EZH1: variants seen among roughly 807,000 people sequenced by gnomAD.
The protein encoded by EZH1 is histone-lysine N-methyltransferase EZH1.
Under a neutral mutation model 100.5 loss-of-function variants are expected in EZH1, and 33 were observed. That is an observed-to-expected ratio of 0.33 (90% CI 0.25 to 0.44). The LOEUF (loss-of-function observed/expected upper bound fraction) is 0.44. Ranked by LOEUF, EZH1 falls within the 20% of genes least tolerant of loss-of-function variation. The probability of loss-of-function intolerance (pLI) is 1.00; values close to 1 mark genes in which losing one functional copy is unlikely to be tolerated. For missense variants in EZH1, 475 were observed against 928.4 expected (o/e 0.51, Z 6.35); for synonymous variants, 272 against 313.8 (o/e 0.87, Z 1.41).
intron 7 of EZH1, 78 bp from the exon 8 acceptor site, chr17:42,719,285 T>C (rs2053662171): frequency 7.0e-6 from 8 of 1,138,402 alleles, no homozygotes; most frequent in Non-Finnish European, 1.1e-5. Flanking sequence ...TTTTTTCCTT[T>C]TGTCATAGCA....
At chr17:42,703,596 G>T in intron 19 of EZH1, 144 bp downstream of exon 19, 1 of 636,858 alleles carries the variant, frequency 1.6e-6, no homozygotes, top group Non-Finnish European at 2.8e-6. Context: ...AAGATTGAGA[G>T]GGGCCTAAAA....
intron 10 of EZH1, among the ~76,000 whole-genome samples, chr17:42,713,771 A>G (rs1237227640): frequency 1.3e-5 from 2 of 152,166 alleles, no homozygotes; most frequent in Non-Finnish European, 2.9e-5. Flanking sequence ...AATGTCCTAT[A>G]ATCTTAAAAA....
chr17:42,721,099 G>GATGGGTCAGT (rs1327096998), intron 6 of EZH1, among the ~76,000 whole-genome samples: 1 of 152,226 alleles, frequency 6.6e-6, no homozygotes, highest in Non-Finnish European at 1.5e-5. Context: ...CTTTGCTGCT[G>GATGGGTCAGT]ATGGGTCAGT....
intron 4 of EZH1, 109 bp downstream of exon 4, chr17:42,727,526 A>C: frequency 7.6e-7 from 1 of 1,322,300 alleles, no homozygotes; most frequent in South Asian, 1.4e-5. Flanking sequence ...TACTTGTGTG[A>C]GCCACCATAC....
intron 1 of EZH1, among the ~76,000 whole-genome samples, chr17:42,744,193 T>C (rs565341133): frequency 6.6e-6 from 1 of 152,320 alleles, no homozygotes; most frequent in South Asian, 2.1e-4. Flanking sequence ...TTCCCTTCCC[T>C]GCTCAAGAAA....
At chr17:42,744,677 G>T (rs2054245223) in intron 1 of EZH1, among the ~76,000 whole-genome samples, 1 of 152,044 alleles carries the variant, frequency 6.6e-6, no homozygotes, top group Admixed American at 6.5e-5. Flanking sequence ...GCCCTCCCGC[G>T]CCCTTTGGGC....
At chr17:42,723,143 G>A (rs1019696346) in intron 5 of EZH1, among the ~76,000 whole-genome samples, 10 of 152,290 alleles carry the variant, frequency 6.6e-5, no homozygotes, top group South Asian at 2.1e-4. Context: ...TTGGGAGGCC[G>A]AGGCAGGCGG....
chr17:42,703,001 C>T, intron 19 of EZH1, 40 bp from the exon 20 acceptor site: 1 of 1,595,742 alleles, frequency 6.3e-7, no homozygotes, highest in Non-Finnish European at 8.6e-7. Flanking sequence ...TCCTACCCAA[C>T]TCCAAGTCAA....
chr17:42,707,853 A>G, intron 15 of EZH1, 105 bp downstream of exon 15: 16 of 1,356,466 alleles, frequency 1.2e-5, no homozygotes, highest in Non-Finnish European at 1.6e-5. Flanking sequence ...AGCAAAGGGG[A>G]TATCAGAAGG....
Position 42,700,777 on chromosome 17 carries a change from T to G in EZH1, c.*1755A>C, listed in dbSNP as rs931444391. 1 of 152,534 alleles carries G rather than the reference T, an allele frequency of 6.6e-6. No homozygotes were observed. The highest frequency in any genetic ancestry group is 1.5e-5 in the Non-Finnish European group (1 of 68,198). 9.4% of individuals were successfully genotyped at this position (152,534 alleles called of 1,614,324 possible). A position where few individuals can be genotyped will look rare whatever the true frequency, so the allele number is the denominator to read the frequency against. Reference sequence around the variant, plus strand: ...AGGATCATGCTGGGGCCTGGCCCATTTGGGTGGGAGGAGCTTTCTGTCAGG... The same window carrying G: ...AGGATCATGCTGGGGCCTGGCCCATGTGGGTGGGAGGAGCTTTCTGTCAGG... On this transcript the variant is annotated 3_prime_UTR_variant, in exon 21 of 21. Transcript: ENST00000428826.
At chr17:42,705,054 G>A (rs751432749) in intron 17 of EZH1, 34 bp downstream of exon 17, 15 of 1,533,198 alleles carry the variant, frequency 9.8e-6, no homozygotes, top group African/African-American at 5.5e-5. Flanking sequence ...AGTCTCCCCC[G>A]AGTAAGAATG....
In EZH1 at chr17:42,736,452, T is replaced by C. The variant is rs775613427; in HGVS notation, c.-102-5534A>G. On this transcript the variant is annotated intron_variant, in intron 1 of 20. Coordinates refer to ENST00000428826, the MANE Select transcript of EZH1 (RefSeq NM_001991.5). ...TAATGGATACAAAATGTAGTGTGTA[T>C]AGATATATACACACACAATGGAATA... is the stretch of plus-strand genomic sequence containing the variant. Among the ~76,000 whole-genome samples, 3 of 152,188 alleles carry C rather than the reference T, an allele frequency of 2.0e-5. No individual in the cohort carries two copies. The South Asian group carries it at 6.2e-4, about 32-fold the overall frequency.
At chr17:42,729,238 CTCTACAGA>C in intron 2 of EZH1, 1 of 267,416 alleles carries the variant, frequency 3.7e-6, no homozygotes, top group Admixed American at 5.2e-5. Context: ...GAAACCCCAT[CTCTACAGA>C]AAATACAAAA....
chr17:42,710,562 A>G (rs2053456741), intron 12 of EZH1, among the ~76,000 whole-genome samples: 1 of 151,954 alleles, frequency 6.6e-6, no homozygotes, highest in Admixed American at 6.6e-5. Flanking sequence ...ACCTGTGATC[A>G]GGGAAATAGG....
Position 42,733,273 on chromosome 17 carries a change from G to A in EZH1, c.-102-2355C>T, listed in dbSNP as rs187731312. Among the ~76,000 whole-genome samples, 737 of 148,272 alleles carry A rather than the reference G, an allele frequency of 5.0e-3. 6 individuals are homozygous for A. The highest frequency in any genetic ancestry group is 0.018 in the African/African-American group (708 of 39,974). ...AATTGCTTGAACCTGGGAGGCAGAA[G>A]TTGCGACGAGCCGAGATTGCGCCAT... On this transcript the variant is annotated intron_variant, in intron 1 of 20. Coordinates refer to ENST00000428826, the MANE Select transcript of EZH1 (RefSeq NM_001991.5).
chr17:42,705,375 G>A (rs148738824), intron 16 of EZH1, among the ~76,000 whole-genome samples, 192 bp from the exon 17 acceptor site: 64 of 152,304 alleles, frequency 4.2e-4, no homozygotes, highest in Middle Eastern at 6.8e-3. Context: ...GGTGACGAAC[G>A]GAAATAGGAT....
intron 18 of EZH1, 73 bp downstream of exon 18, chr17:42,704,529 C>T: frequency 2.4e-6 from 3 of 1,253,522 alleles, no homozygotes; most frequent in Non-Finnish European, 3.4e-6. Flanking sequence ...GCCTGGGCAA[C>T]AGAGCAAGAC....
chr17:42,729,183 C>A, intron 2 of EZH1: 1 of 362,878 alleles, frequency 2.8e-6, no homozygotes, highest in Non-Finnish European at 5.0e-6. Context: ...GAGGTGAGAG[C>A]ACTACTTGAG....
At chr17:42,721,751 T>C (rs1318645239) in intron 6 of EZH1, among the ~76,000 whole-genome samples, 1 of 151,764 alleles carries the variant, frequency 6.6e-6, no homozygotes, top group Non-Finnish European at 1.5e-5. Context: ...GGCTCACTCT[T>C]GTAATCCCAG....
Sources: gnomAD v4.1 joint callset for allele counts (sites outside exome capture counted in the v4.1 genomes callset) on GRCh38, gnomAD v4.1.1 for gene constraint, MANE v1.5 for transcripts, NCBI Gene and HGNC (gene_info 2026-07-23, HGNC 2026-07-21) for gene names.